The following NUP58 variants were observed in gnomAD, a reference collection of about 807,000 sequenced individuals.
The protein encoded by NUP58 is nucleoporin 58.
A neutral mutation model predicts 70.1 loss-of-function variants in NUP58; 17 were observed. The observed-to-expected ratio is 0.24, with a 90% CI of 0.17 to 0.36. The LOEUF (loss-of-function observed/expected upper bound fraction) is 0.36. NUP58 is among the 10% of genes least tolerant of loss of function. NUP58 has a pLI of 1.00. For synonymous variants in NUP58, 275 were observed against 257.6 expected (o/e 1.07, Z -0.65); for missense variants, 644 against 701.5 (o/e 0.92, Z 0.93).
rs12866994 is a variant in NUP58 at position 25,313,600 on chromosome 13, C to T, written c.437-14C>T. On this transcript the variant is annotated splice_polypyrimidine_tract_variant and intron_variant, in intron 4 of 15. Transcript: ENST00000381736. The stretch of plus-strand genomic sequence containing the variant: ...AAGTTGCCTTTTGAAAGCTTACTAT[C>T]TCTCTTTTTATAGCATCCACAGGAT... The T allele has an allele frequency of 0.039, 57,296 of 1,473,632 alleles. 1,308 individuals are homozygous for T. The highest frequency in any genetic ancestry group is 0.044 in the Non-Finnish European group (49,620 of 1,118,888). 91.3% of individuals were successfully genotyped at this position (1,473,632 alleles called of 1,614,324 possible).
intron 12 of NUP58, among the ~76,000 whole-genome samples, chr13:25,329,622 C>G (rs1336992995): frequency 1.3e-5 from 2 of 152,110 alleles, no homozygotes; most frequent in African/African-American, 4.8e-5. Flanking sequence ...AGTGAGCAAA[C>G]TAAGCTCTAG....
intron 3 of NUP58, among the ~76,000 whole-genome samples, chr13:25,312,493 G>C (rs887444628): frequency 6.6e-6 from 1 of 152,082 alleles, no homozygotes; most frequent in East Asian, 1.9e-4. Flanking sequence ...TCAGCCTCCC[G>C]AGTAGCTGGG....
Position 25,313,045 on chromosome 13 carries a change from G to GA in NUP58, c.436+18dup, listed in dbSNP as rs2030753943. The GA allele has an allele frequency of 1.2e-6, 2 of 1,607,498 alleles. No individual in the cohort carries two copies. The highest frequency in any genetic ancestry group is 4.5e-5 in the East Asian group (2 of 44,836). Reference sequence around the variant, plus strand: ...TCAACTCCAGCAGGTGAGGCAGAATGAAAAACCGTTGCATTTAATGGTTAA... The same window carrying GA: ...TCAACTCCAGCAGGTGAGGCAGAATGAAAAAACCGTTGCATTTAATGGTTAA... On this transcript the variant is annotated intron_variant, in intron 4 of 15. Transcript: ENST00000381736.
rs1366629394 is a variant in NUP58, at chr13:25,340,190, A to AT, written c.*61dup. 3 of 1,382,018 alleles carry AT rather than the reference A, an allele frequency of 2.2e-6. No homozygotes were observed. Among genetic ancestry groups the AT allele is most frequent in the Non-Finnish European group, 2.9e-6 (3 of 1,049,206 alleles). The allele number at this position is 1,382,018 out of a possible 1,614,324, so 85.6% of individuals were successfully genotyped here. A position where few individuals can be genotyped will look rare whatever the true frequency, so the allele number is the denominator to read the frequency against. On this transcript the variant is annotated 3_prime_UTR_variant, in exon 16 of 16. Coordinates refer to ENST00000381736, the MANE Select transcript of NUP58 (RefSeq NM_014089.4). ...GCAGCACCGTTCATTCTATGAGTCT[A>AT]TTTTTCTAATGATGCAGTAATTAAA...
intron 1 of NUP58, 64 bp downstream of exon 1, chr13:25,301,944 C>T (rs1212245891): frequency 9.6e-6 from 10 of 1,038,074 alleles, no homozygotes; most frequent in Middle Eastern, 2.1e-4. Context: ...GCAAAGCTCC[C>T]TTGGTGTCCC....
chr13:25,307,995 C>T (rs2030460285), intron 2 of NUP58, 47 bp downstream of exon 2: 1 of 1,602,820 alleles, frequency 6.2e-7, no homozygotes, highest in Non-Finnish European at 8.5e-7. Context: ...TTGGGATATT[C>T]TTTCCTAAAT....
intron 12 of NUP58, among the ~76,000 whole-genome samples, chr13:25,329,355 GC>G (rs1253913807): frequency 6.6e-6 from 1 of 152,042 alleles, no homozygotes; most frequent in East Asian, 1.9e-4. Context: ...CAGAGCAAAT[GC>G]CAGGTGTAAA....
intron 12 of NUP58, among the ~76,000 whole-genome samples, chr13:25,327,981 A>T (rs59673775): frequency 6.6e-6 from 1 of 152,064 alleles, no homozygotes; most frequent in African/African-American, 2.4e-5. Context: ...CGGGCGAATC[A>T]CAAAGTCAGG....
At chr13:25,343,704 G>A (rs958360725), downstream of NUP58, among the ~76,000 whole-genome samples, 6 of 151,296 alleles carry the variant, frequency 4.0e-5, no homozygotes, top group African/African-American at 1.2e-4. Context: ...TAATCTGCCC[G>A]CCTCGGCCTC....
chr13:25,326,624 A>ATACTAT (rs1417505792), intron 10 of NUP58, among the ~76,000 whole-genome samples: 6 of 152,194 alleles, frequency 3.9e-5, no homozygotes, highest in African/African-American at 1.4e-4. Flanking sequence ...TATAATTACC[A>ATACTAT]AGAACAGGAA....
Position 25,307,809 on chromosome 13 carries a change from C to T in NUP58, c.111C>T (p.Asn37=). The change falls in exon 2 of 16, where the codon AAC becomes AAT. Residue 37 remains asparagine (N), a synonymous_variant. Coordinates refer to ENST00000381736, the MANE Select transcript of NUP58 (RefSeq NM_014089.4). ...TGTTTTTGTTTCTTTAAATAAGCAA[C>T]CCTTCTGTGGGGCTCAATTTTGGAA... ...VFSFGTGASS[N]PSVGLNFGNL... 6.2e-7 allele frequency: 1 copy of T among 1,613,762 alleles called. No homozygotes were observed. Among genetic ancestry groups the T allele is most frequent in the Non-Finnish European group, 8.5e-7 (1 of 1,179,872 alleles).
chr13:25,308,826 CT>C (rs371892205), intron 2 of NUP58, among the ~76,000 whole-genome samples: 82 of 152,266 alleles, frequency 5.4e-4, no homozygotes, highest in South Asian at 2.9e-3. Flanking sequence ...CTTGGTCATT[CT>C]TACTACTTTT....
At chr13:25,332,845 T>C (rs1284289753) in intron 13 of NUP58, 33 of 985,432 alleles carry the variant, frequency 3.3e-5, no homozygotes, top group Non-Finnish European at 3.7e-5. Context: ...AGGATTGATA[T>C]TTCTTCTTAA....
intron 13 of NUP58, chr13:25,334,316 G>GT: frequency 1.6e-5 from 16 of 985,300 alleles, no homozygotes; most frequent in Non-Finnish European, 1.9e-5. Context: ...CTGGGATTGA[G>GT]TTTTGCTATT....
intron 12 of NUP58, 87 bp downstream of exon 12, chr13:25,327,599 A>C: frequency 2.7e-6 from 2 of 748,972 alleles, no homozygotes; most frequent in Non-Finnish European, 4.4e-6. Flanking sequence ...TGCTTGATAC[A>C]GAAATAGCTA....
At chr13:25,301,938 A>G (rs1280096405) in intron 1 of NUP58, 58 bp downstream of exon 1, 1 of 1,137,566 alleles carries the variant, frequency 8.8e-7, no homozygotes, top group Admixed American at 2.1e-5. Context: ...ACCCCCGCAA[A>G]GCTCCCTTGG....
At chr13:25,337,344 T>C (rs778584021) in intron 14 of NUP58, among the ~76,000 whole-genome samples, 1 of 152,154 alleles carries the variant, frequency 6.6e-6, no homozygotes, top group Admixed American at 6.5e-5. Context: ...ATTAAAAATC[T>C]TAAAATTAAT....
chr13:25,317,978 G>A (rs186418662), intron 6 of NUP58, among the ~76,000 whole-genome samples: 4 of 149,802 alleles, frequency 2.7e-5, no homozygotes, highest in Admixed American at 2.0e-4. Flanking sequence ...ATTGTCCTAC[G>A]TTAACCTCCT....
chr13:25,317,918 CA>C (rs1382975088), intron 6 of NUP58: 1 of 137,496 alleles, frequency 7.3e-6, no homozygotes, highest in Non-Finnish European at 1.5e-5. Context: ...GGTTGGAATG[CA>C]GTGGTGTGAT....
Sources: allele counts gnomAD v4.1 joint callset (sites outside exome capture counted in the v4.1 genomes callset), GRCh38; gene constraint gnomAD v4.1.1; transcripts MANE v1.5; gene names NCBI Gene and HGNC (gene_info 2026-07-23, HGNC 2026-07-21).